The following TTC12 variants were observed in gnomAD, a reference collection of about 807,000 sequenced individuals.
The protein encoded by TTC12 is tetratricopeptide repeat protein 12.
TTC12 carries 70 observed loss-of-function variants against 90.1 expected under a neutral mutation model. That is an observed-to-expected ratio of 0.78 (90% confidence interval 0.64 to 0.95). The LOEUF (loss-of-function observed/expected upper bound fraction) is 0.95, where lower values mean the gene tolerates loss of function less well. Among genes scored for constraint, TTC12 ranks in the 40% least tolerant of loss-of-function variants. The probability of loss-of-function intolerance (pLI) is 0.00; values close to 1 mark genes in which losing one functional copy is unlikely to be tolerated. For missense variants in TTC12, 819 were observed against 846.1 expected, an observed-to-expected ratio of 0.97 and a Z score of 0.40; for synonymous variants, 296 against 311.5, an observed-to-expected ratio of 0.95 and a Z score of 0.53.
chr11:113,335,525 A>G (rs929470651), intron 8 of TTC12, among the ~76,000 whole-genome samples: 3 of 152,152 alleles, frequency 2.0e-5, no homozygotes, highest in Non-Finnish European at 4.4e-5. Context: ...ACCACAATCA[A>G]TTTTAAAAAA....
At chr11:113,332,062 A>T (rs1311784703) in intron 7 of TTC12, among the ~76,000 whole-genome samples, 1 of 152,234 alleles carries the variant, frequency 6.6e-6, no homozygotes, top group Non-Finnish European at 1.5e-5. Flanking sequence ...GGACACTTTT[A>T]AATTGGTAGA....
intron 18 of TTC12, among the ~76,000 whole-genome samples, chr11:113,360,678 C>A (rs1565626724): frequency 1.3e-5 from 2 of 152,178 alleles, no homozygotes; most frequent in Admixed American, 1.3e-4. Context: ...CCTGTCAGGG[C>A]AGGACCCTAA....
At position 113,338,810 on chromosome 11, in the gene TTC12, C is replaced by G; in HGVS notation, c.613C>G (p.Pro205Ala). The change falls in exon 9 of 22, where the codon CCC (proline) becomes GCC (alanine). Residue 205 changes from proline to alanine, a missense_variant. Coordinates refer to ENST00000529221, the MANE Select transcript of TTC12 (RefSeq NM_017868.4). ...TTATAAGAAGATCTTAGAAATAAACCCCAAGCTGCAAACCCAGGTGAAAGG... is the reference window on the plus strand; with the variant it reads ...TTATAAGAAGATCTTAGAAATAAACGCCAAGCTGCAAACCCAGGTGAAAGG... ...ECYKKILEIN[P>A]KLQTQVKGYL... The G allele has an allele frequency of 1.9e-6, 3 of 1,613,976 alleles. No individual in the cohort carries two copies. Among genetic ancestry groups the G allele is most frequent in the Non-Finnish European group, 2.5e-6 (3 of 1,179,916 alleles).
chr11:113,352,238 T>C, intron 16 of TTC12, 31 bp downstream of exon 16: 1 of 1,613,940 alleles, frequency 6.2e-7, no homozygotes, highest in Non-Finnish European at 8.5e-7. Context: ...AAAATTGGTC[T>C]TTATCCTCTT....
intron 13 of TTC12, among the ~76,000 whole-genome samples, chr11:113,345,130 T>G (rs1405391465): frequency 2.6e-5 from 4 of 152,242 alleles, no homozygotes; most frequent in Admixed American, 1.3e-4. Context: ...TTTGAACATA[T>G]GAAATTGCCA....
chr11:113,370,026 C>T (rs1950340376), downstream of TTC12, among the ~76,000 whole-genome samples: 1 of 152,310 alleles, frequency 6.6e-6, no homozygotes, highest in South Asian at 2.1e-4. Context: ...AGAAGCCTGC[C>T]TTCTTACATG....
intron 13 of TTC12, among the ~76,000 whole-genome samples, chr11:113,345,762 T>G (rs543650848): frequency 6.6e-6 from 1 of 152,232 alleles, no homozygotes; most frequent in African/African-American, 2.4e-5. Context: ...CCTCGATACC[T>G]TCATCGTATT....
chr11:113,321,899 G>C (rs1947359305), intron 2 of TTC12, among the ~76,000 whole-genome samples: 1 of 152,210 alleles, frequency 6.6e-6, no homozygotes, highest in African/African-American at 2.4e-5. Context: ...TGTGAGTCCA[G>C]CTGAAACCAG....
In TTC12 at chr11:113,352,119, C is replaced by A; in HGVS notation, c.1358C>A (p.Ala453Asp). 6.2e-7 allele frequency: 1 copy of A among 1,614,182 alleles called. No homozygotes were observed. The highest frequency in any genetic ancestry group is 8.5e-7 in the Non-Finnish European group (1 of 1,180,016). ...SSSSALCQCI[A>D]IMGNLSAEPT... ...TCCTCGGCTCTGTGCCAGTGCATTG[C>A]CATCATGGGAAACCTCAGTGCTGAG... Residue 453 changes from alanine (A) to aspartate (D), a missense_variant, in exon 16 of 22, where the codon GCC becomes GAC. Ala to Asp is a moderately radical substitution (Grantham distance 126). Transcript: ENST00000529221.
At chr11:113,353,523 A>G (rs1055796454) in intron 16 of TTC12, among the ~76,000 whole-genome samples, 8 of 152,174 alleles carry the variant, frequency 5.3e-5, no homozygotes, top group Non-Finnish European at 1.2e-4. Context: ...TGTCTTTGTC[A>G]TGAAATCTTT....
intron 6 of TTC12, 189 bp from the exon 7 acceptor site, chr11:113,329,731 G>A: frequency 1.5e-6 from 1 of 660,054 alleles, no homozygotes. Flanking sequence ...CCGTGGAAGA[G>A]GTCCCTGTAT....
chr11:113,324,517 T>C, intron 4 of TTC12, 88 bp from the exon 5 acceptor site: 1 of 1,091,334 alleles, frequency 9.2e-7, no homozygotes, highest in African/African-American at 1.6e-5. Flanking sequence ...TACGTGTGGC[T>C]CTAAAGTAAC....
intron 20 of TTC12, 118 bp downstream of exon 20, chr11:113,364,045 C>T (rs538892544): frequency 2.1e-4 from 139 of 662,724 alleles, no homozygotes; most frequent in Non-Finnish European, 3.3e-4. Context: ...CTCTCCCAGA[C>T]TTCAGCAATG....
chr11:113,330,067 T>C (rs782540152), intron 7 of TTC12, 88 bp downstream of exon 7: 1 of 974,592 alleles, frequency 1.0e-6, no homozygotes, highest in Non-Finnish European at 1.7e-6. Flanking sequence ...GGAAAGGGTA[T>C]AGCCTCTGTA....
intron 18 of TTC12, 115 bp from the exon 19 acceptor site, chr11:113,362,286 T>C (rs1555155427): frequency 7.2e-6 from 5 of 696,608 alleles, no homozygotes; most frequent in Non-Finnish European, 1.3e-5. Context: ...ATATTTTTTA[T>C]ATTTTGCTTC....
chr11:113,349,913 G>T (rs1385488418), intron 13 of TTC12, among the ~76,000 whole-genome samples, 160 bp from the exon 14 acceptor site: 1 of 152,164 alleles, frequency 6.6e-6, no homozygotes, highest in African/African-American at 2.4e-5. Flanking sequence ...GTCTCTGGGT[G>T]GGCAAGGAGC....
intron 11 of TTC12, chr11:113,341,636 G>C: frequency 1.7e-6 from 1 of 572,442 alleles, no homozygotes; most frequent in Non-Finnish European, 3.2e-6. Context: ...CCTCTGTGCA[G>C]CCCTGGCTTC....
chr11:113,352,974 T>G (rs528106496), intron 16 of TTC12, among the ~76,000 whole-genome samples: 56 of 152,356 alleles, frequency 3.7e-4, no homozygotes, highest in African/African-American at 1.3e-3. Context: ...TACCCATTAA[T>G]GGGATTGCTG....
rs7929499 is a variant in TTC12, at chr11:113,330,063, G to T, written c.504+84G>T. 7.8e-4 allele frequency: 836 copies of T among 1,067,574 alleles called. 5 individuals are homozygous for T. In the African/African-American group the frequency reaches 0.011, roughly 14 times the overall value. 66.1% of individuals were successfully genotyped at this position (1,067,574 alleles called of 1,614,324 possible). A position where few individuals can be genotyped will look rare whatever the true frequency, so the allele number is the denominator to read the frequency against. ...CTGCCAGTGTATCAAGATAGGAAAG[G>T]GTATAGCCTCTGTAGCCAGAGCTTC... On this transcript the variant is annotated intron_variant, in intron 7 of 21. Coordinates refer to ENST00000529221, the MANE Select transcript of TTC12 (RefSeq NM_017868.4).
Sources: allele counts gnomAD v4.1 joint callset (sites outside exome capture counted in the v4.1 genomes callset), GRCh38; gene constraint gnomAD v4.1.1; transcripts MANE v1.5; gene names NCBI Gene and HGNC (gene_info 2026-07-23, HGNC 2026-07-21).